NRF1: variants seen among roughly 807,000 people sequenced by gnomAD.
The protein encoded by NRF1 is nuclear respiratory factor 1.
In NRF1, 5 loss-of-function variants were observed where a neutral mutation model predicts 58.5. The ratio of observed to expected loss-of-function variants is 0.09; its 90% confidence interval spans 0.04 to 0.18. NRF1 has a LOEUF of 0.18. NRF1 is among the 10% of genes least tolerant of loss of function. NRF1 has a pLI of 1.00. For missense variants in NRF1, 288 were observed against 657.7 expected, an observed-to-expected ratio of 0.44 and a Z score of 6.15; for synonymous variants, 224 against 246.7, an observed-to-expected ratio of 0.91 and a Z score of 0.86.
intron 2 of NRF1, among the ~76,000 whole-genome samples, chr7:129,660,272 A>G (rs1801750224): frequency 6.6e-6 from 1 of 151,236 alleles, no homozygotes. Context: ...ACATAGAGCC[A>G]AACCATATTA....
intron 3 of NRF1, among the ~76,000 whole-genome samples, chr7:129,674,435 T>C (rs1289431777): frequency 2.6e-5 from 4 of 152,118 alleles, no homozygotes; most frequent in African/African-American, 4.8e-5. Flanking sequence ...ACCGTAATTT[T>C]AAAATACTTT....
intron 10 of NRF1, among the ~76,000 whole-genome samples, chr7:129,750,532 G>A (rs550882202): frequency 3.9e-5 from 6 of 152,282 alleles, no homozygotes; most frequent in Non-Finnish European, 7.3e-5. Context: ...TAAGGTGGCA[G>A]TAGACAGAAA....
At chr7:129,727,128 C>T (rs1803467326) in intron 9 of NRF1, 113 bp from the exon 10 acceptor site, 1 of 1,125,062 alleles carries the variant, frequency 8.9e-7, no homozygotes, top group Non-Finnish European at 1.2e-6. Flanking sequence ...CTGGTAGGAT[C>T]ACAACCATGG....
At chr7:129,689,385 A>G in intron 4 of NRF1, among the ~76,000 whole-genome samples, 1 of 152,156 alleles carries the variant, frequency 6.6e-6, no homozygotes, top group Non-Finnish European at 1.5e-5. Flanking sequence ...TTTCTCTTCC[A>G]TTTGTTTCCC....
chr7:129,613,516 T>C (rs992472849), intron 1 of NRF1, among the ~76,000 whole-genome samples: 3 of 152,126 alleles, frequency 2.0e-5, no homozygotes, highest in Admixed American at 1.3e-4. Context: ...GCAGAATTTT[T>C]TTGTGTCAAG....
chr7:129,750,403 G>C (rs1275980806), intron 10 of NRF1, among the ~76,000 whole-genome samples: 1 of 152,206 alleles, frequency 6.6e-6, no homozygotes, highest in Non-Finnish European at 1.5e-5. Context: ...TCCCTTGCCA[G>C]GGACATGAAG....
intron 1 of NRF1, among the ~76,000 whole-genome samples, chr7:129,652,807 TG>T (rs1356384128): frequency 6.6e-6 from 1 of 152,178 alleles, no homozygotes; most frequent in Admixed American, 6.5e-5. Context: ...TTAGCCAGGA[TG>T]GTCTCGATCT....
chr7:129,652,028 G>C (rs189586365), intron 1 of NRF1, among the ~76,000 whole-genome samples: 275 of 152,178 alleles, frequency 1.8e-3, no homozygotes, highest in African/African-American at 6.2e-3. Flanking sequence ...TCAGAAAATT[G>C]AAAATTTGAT....
chr7:129,625,041 G>A lies in NRF1; in HGVS notation c.-7+13217G>A, dbSNP rs374707451. Reference sequence around the variant, plus strand: ...TATTCTCTCACAGTTCTGGAGGCTAGGAGTCTGGAATCAAGGTGTTCACAG... The same window carrying A: ...TATTCTCTCACAGTTCTGGAGGCTAAGAGTCTGGAATCAAGGTGTTCACAG... On this transcript the variant is annotated intron_variant, in intron 1 of 10. Coordinates refer to ENST00000393232, the MANE Select transcript of NRF1 (RefSeq NM_005011.5). 5.7e-4 allele frequency among the ~76,000 whole-genome samples: 87 copies of A among 152,256 alleles called. No homozygotes were observed. The Middle Eastern group carries it at 0.017, about 30-fold the overall frequency.
chr7:129,662,904 C>T (rs1000325025), intron 2 of NRF1, among the ~76,000 whole-genome samples: 4 of 152,158 alleles, frequency 2.6e-5, no homozygotes, highest in African/African-American at 9.7e-5. Flanking sequence ...GTCCCTGCGG[C>T]CTTCGGCCCT....
intron 1 of NRF1, among the ~76,000 whole-genome samples, chr7:129,641,273 A>G (rs1007840815): frequency 4.6e-5 from 7 of 152,176 alleles, no homozygotes; most frequent in African/African-American, 1.7e-4. Context: ...TGATATTTAT[A>G]TTACTTTGAA....
intron 1 of NRF1, among the ~76,000 whole-genome samples, chr7:129,616,429 A>T (rs931133475): frequency 3.9e-5 from 6 of 152,070 alleles, no homozygotes; most frequent in Non-Finnish European, 8.8e-5. Context: ...CAGAATATTT[A>T]AAAAAACAAA....
intron 2 of NRF1, among the ~76,000 whole-genome samples, chr7:129,664,073 G>GGA (rs1191791848): frequency 4.6e-5 from 7 of 151,778 alleles, no homozygotes; most frequent in Non-Finnish European, 1.0e-4. Flanking sequence ...TGCAGGGAGC[G>GGA]GAGATCTTGG....
intron 1 of NRF1, among the ~76,000 whole-genome samples, chr7:129,619,740 T>G (rs1289617758): frequency 2.0e-5 from 3 of 149,052 alleles, no homozygotes; most frequent in South Asian, 2.1e-4. Flanking sequence ...TGGGTTGTTT[T>G]TTTTTTTTTT....
At chr7:129,616,001 G>C (rs1800650968) in intron 1 of NRF1, among the ~76,000 whole-genome samples, 2 of 152,064 alleles carry the variant, frequency 1.3e-5, no homozygotes, top group Admixed American at 6.5e-5. Context: ...AGGAATTTTT[G>C]ACTGCTCAAG....
intron 3 of NRF1, among the ~76,000 whole-genome samples, chr7:129,673,959 G>A (rs1012999852): frequency 2.0e-5 from 3 of 151,996 alleles, no homozygotes; most frequent in African/African-American, 7.3e-5. Context: ...GGCCACCATG[G>A]TGAAACCCCA....
At chr7:129,753,769 CTGGTGT>C in intron 10 of NRF1, among the ~76,000 whole-genome samples, 1 of 151,646 alleles carries the variant, frequency 6.6e-6, no homozygotes, top group Admixed American at 6.6e-5. Flanking sequence ...TTACATTTTA[CTGGTGT>C]GTGAAATCTA....
chr7:129,705,191 T>C (rs572420394), intron 5 of NRF1, among the ~76,000 whole-genome samples: 104 of 152,320 alleles, frequency 6.8e-4, no homozygotes, highest in African/African-American at 2.4e-3. Flanking sequence ...TATCTCAGCC[T>C]CTTCATTGAC....
At chr7:129,697,006 A>G (rs1397367377) in intron 5 of NRF1, among the ~76,000 whole-genome samples, 1 of 152,160 alleles carries the variant, frequency 6.6e-6, no homozygotes, top group Non-Finnish European at 1.5e-5. Flanking sequence ...GGTGTAGGAA[A>G]ATGTTTTGAA....
Sources: allele counts gnomAD v4.1 joint callset (sites outside exome capture counted in the v4.1 genomes callset), GRCh38; gene constraint gnomAD v4.1.1; transcripts MANE v1.5; gene names NCBI Gene and HGNC (gene_info 2026-07-23, HGNC 2026-07-21).